COL23A1: variants seen among roughly 807,000 people sequenced by gnomAD.
COL23A1 encodes collagen alpha-1(XXIII) chain.
A neutral mutation model predicts 99.3 loss-of-function variants in COL23A1; 97 were observed. The observed-to-expected ratio is 0.98, with a 90% CI of 0.83 to 1.16. COL23A1 has a LOEUF of 1.16. COL23A1 is among the 50% of genes most tolerant of loss of function. The pLI, the probability that COL23A1 is intolerant of heterozygous loss-of-function variation, is 0.00. For synonymous variants in COL23A1, 320 were observed against 308.2 expected (o/e 1.04, Z -0.40); for missense variants, 762 against 757.4 (o/e 1.01, Z -0.07).
At chr5:178,470,263 C>T (rs1004096407) in intron 2 of COL23A1, among the ~76,000 whole-genome samples, 17 of 152,224 alleles carry the variant, frequency 1.1e-4, no homozygotes, top group African/African-American at 3.1e-4. Flanking sequence ...CCTCCTGGTC[C>T]GCTACCGTGA....
intron 2 of COL23A1, among the ~76,000 whole-genome samples, chr5:178,323,648 T>A (rs1257411878): frequency 6.6e-6 from 1 of 152,136 alleles, no homozygotes; most frequent in Non-Finnish European, 1.5e-5. Context: ...AGCCTGGGCT[T>A]CTGCACTAGA....
intron 2 of COL23A1, among the ~76,000 whole-genome samples, chr5:178,416,375 G>A (rs920367824): frequency 2.0e-5 from 3 of 152,176 alleles, no homozygotes; most frequent in African/African-American, 4.8e-5. Context: ...GTGGCTGACC[G>A]GAGCTCGGCA....
At chr5:178,322,874 G>A (rs898139185) in intron 2 of COL23A1, among the ~76,000 whole-genome samples, 1 of 152,204 alleles carries the variant, frequency 6.6e-6, no homozygotes, top group African/African-American at 2.4e-5. Flanking sequence ...GGCAGGCTGG[G>A]GACAGGCGGA....
chr5:178,380,789 C>T (rs1189318885), intron 2 of COL23A1, among the ~76,000 whole-genome samples: 2 of 152,160 alleles, frequency 1.3e-5, no homozygotes, highest in Admixed American at 1.3e-4. Context: ...AGGGACTTCA[C>T]CTGTCCCCAG....
intron 1 of COL23A1, among the ~76,000 whole-genome samples, chr5:178,562,926 T>C (rs943704896): frequency 6.6e-6 from 1 of 152,162 alleles, no homozygotes; most frequent in Non-Finnish European, 1.5e-5. Context: ...TACAAACCTC[T>C]AGCTAGCTAC....
intron 5 of COL23A1, among the ~76,000 whole-genome samples, chr5:178,273,666 C>G (rs1756422921): frequency 6.6e-6 from 1 of 152,226 alleles, no homozygotes; most frequent in South Asian, 2.1e-4. Context: ...GCAGACGGGG[C>G]TGGGCCAGCC....
Position 178,255,951 on chromosome 5 carries a change from G to C in COL23A1, c.882+402C>G, listed in dbSNP as rs1029174801. 13 of 237,238 alleles carry C rather than the reference G, an allele frequency of 5.5e-5. No homozygotes were observed. Among genetic ancestry groups the C allele is most frequent in the South Asian group, 8.4e-5 (2 of 23,734 alleles). The allele number at this position is 237,238 out of a possible 1,614,324, so 14.7% of individuals were successfully genotyped here. A position where few individuals can be genotyped will look rare whatever the true frequency, so the allele number is the denominator to read the frequency against. On this transcript the variant is annotated intron_variant, in intron 15 of 28. Coordinates refer to ENST00000390654, the MANE Select transcript of COL23A1 (RefSeq NM_173465.4). The surrounding 1 kb of genome is among the most constrained non-coding windows in gnomAD (Gnocchi z 4.2). Reference sequence around the variant, plus strand: ...AAGATCTGGGGCAGGCTGGGGTGCTGTGCTCCTGGTGGCAGGGACAAACCT... The same window carrying C: ...AAGATCTGGGGCAGGCTGGGGTGCTCTGCTCCTGGTGGCAGGGACAAACCT...
intron 2 of COL23A1, among the ~76,000 whole-genome samples, chr5:178,424,620 C>T (rs373215727): frequency 1.8e-4 from 28 of 152,304 alleles, no homozygotes; most frequent in East Asian, 1.7e-3. Flanking sequence ...TGTAGTCATT[C>T]GCGGTTCTGC....
intron 4 of COL23A1, 75 bp downstream of exon 4, chr5:178,290,287 T>A (rs998399647): frequency 6.2e-7 from 1 of 1,607,264 alleles, no homozygotes; most frequent in African/African-American, 1.3e-5. Context: ...CAAAATTATG[T>A]TCATGGAATT....
intron 2 of COL23A1, among the ~76,000 whole-genome samples, chr5:178,433,569 G>A (rs1309662022): frequency 6.6e-6 from 1 of 152,118 alleles, no homozygotes; most frequent in Non-Finnish European, 1.5e-5. Flanking sequence ...CAGAAGTGGA[G>A]GGTGGGGCTG....
chr5:178,493,970 CTAGCGTGAATGTAGCTGCCACTACT>C (rs1184669262), intron 2 of COL23A1, among the ~76,000 whole-genome samples: 1 of 152,014 alleles, frequency 6.6e-6, no homozygotes, highest in Non-Finnish European at 1.5e-5. Flanking sequence ...GTATGAGCCA[CTAGCGTGAATGTAGCTGCCACTACT>C]TAAGAAATTG....
chr5:178,273,929 C>T (rs779290373), intron 5 of COL23A1, among the ~76,000 whole-genome samples: 11 of 152,206 alleles, frequency 7.2e-5, no homozygotes, highest in Admixed American at 2.0e-4. Context: ...CCCTCTGGGC[C>T]GGAGGACCCT....
chr5:178,268,843 G>A (rs1404312353), intron 6 of COL23A1, 87 bp from the exon 7 acceptor site: 3 of 1,398,648 alleles, frequency 2.1e-6, no homozygotes, highest in African/African-American at 1.4e-5. Flanking sequence ...TCTGAGGGCA[G>A]AAGGGCCCGT....
At chr5:178,523,201 T>TATATAG (rs1223542330) in intron 2 of COL23A1, among the ~76,000 whole-genome samples, 217 of 77,590 alleles carry the variant, frequency 2.8e-3, no homozygotes, top group Non-Finnish European at 4.1e-3. Context: ...TATATATATA[T>TATATAG]AGAGAGAGAG....
In COL23A1 at chr5:178,340,354, G is replaced by A. The variant is rs1317695493; in HGVS notation, c.362-33435C>T. 6.6e-6 allele frequency among the ~76,000 whole-genome samples: 1 copy of A among 152,230 alleles called. No individual in the cohort carries two copies. Among genetic ancestry groups the A allele is most frequent in the Non-Finnish European group, 1.5e-5 (1 of 68,040 alleles). ...CAGCTTTGCTGGTGGCTCCAGCGCA[G>A]GAGGGGTAGAAGGGGAAATAAAAGC... On this transcript the variant is annotated intron_variant, in intron 2 of 28. Coordinates refer to ENST00000390654, the MANE Select transcript of COL23A1 (RefSeq NM_173465.4). The surrounding 1 kb of genome is among the most constrained non-coding windows in gnomAD (Gnocchi z 4.7).
intron 8 of COL23A1, among the ~76,000 whole-genome samples, chr5:178,265,367 A>G (rs1053494967): frequency 2.0e-5 from 3 of 152,142 alleles, no homozygotes; most frequent in African/African-American, 7.2e-5. Flanking sequence ...TTCCTGTTTT[A>G]ATTTGCACTG....
intron 2 of COL23A1, among the ~76,000 whole-genome samples, chr5:178,325,235 A>C (rs1759580147): frequency 6.6e-6 from 1 of 151,568 alleles, no homozygotes; most frequent in Non-Finnish European, 1.5e-5. Flanking sequence ...CTCATTCCCT[A>C]CCCTTTAGTC....
At chr5:178,575,340 G>A (rs972663332) in intron 1 of COL23A1, among the ~76,000 whole-genome samples, 6 of 152,182 alleles carry the variant, frequency 3.9e-5, no homozygotes, top group African/African-American at 1.4e-4. Flanking sequence ...CTTCGCTCGT[G>A]TAGGGAATGA....
chr5:178,587,966 C>T (rs1014417349), intron 1 of COL23A1, among the ~76,000 whole-genome samples: 2 of 152,254 alleles, frequency 1.3e-5, no homozygotes, highest in African/African-American at 4.8e-5. Flanking sequence ...TGACTCTCCA[C>T]TGGCGGGAAA....
Sources: gnomAD v4.1 joint callset for allele counts (sites outside exome capture counted in the v4.1 genomes callset) on GRCh38, gnomAD v4.1.1 for gene constraint, Gnocchi (gnomAD v3.1) non-coding constraint, MANE v1.5 for transcripts, NCBI Gene and HGNC (gene_info 2026-07-23, HGNC 2026-07-21) for gene names.